The following FOXO3 variants were observed in gnomAD, a reference collection of about 807,000 sequenced individuals.
FOXO3 encodes the protein forkhead box O3.
Under a neutral mutation model 41.9 loss-of-function variants are expected in FOXO3, and 4 were observed. The observed-to-expected ratio is 0.10, with a 90% CI of 0.05 to 0.22. The LOEUF (loss-of-function observed/expected upper bound fraction) is 0.22, where lower values mean the gene tolerates loss of function less well. FOXO3 is among the 10% of genes least tolerant of loss of function. FOXO3 has a pLI of 1.00. For synonymous variants in FOXO3, 318 were observed against 389.3 expected, an observed-to-expected ratio of 0.82 and a Z score of 2.16; for missense variants, 534 against 906.8, an observed-to-expected ratio of 0.59 and a Z score of 5.28.
chr6:108,618,577 G>A (rs953577423), intron 1 of FOXO3, among the ~76,000 whole-genome samples: 1 of 152,232 alleles, frequency 6.6e-6, no homozygotes, highest in African/African-American at 2.4e-5. Context: ...GATGTAGCCC[G>A]AGTACTTATC....
chr6:108,574,949 A>G (rs1333965361), intron 1 of FOXO3, among the ~76,000 whole-genome samples: 2 of 152,212 alleles, frequency 1.3e-5, no homozygotes, highest in Non-Finnish European at 2.9e-5. Flanking sequence ...AGGCAGCAGG[A>G]TGCTACCTGA....
chr6:108,606,423 C>T (rs1200917393), intron 1 of FOXO3, among the ~76,000 whole-genome samples: 2 of 152,202 alleles, frequency 1.3e-5, no homozygotes, highest in Non-Finnish European at 2.9e-5. Context: ...TGATATTCCT[C>T]CCCTTCCCCC....
chr6:108,631,123 C>T (rs1353107789), intron 1 of FOXO3, among the ~76,000 whole-genome samples: 3 of 152,128 alleles, frequency 2.0e-5, no homozygotes, highest in Non-Finnish European at 2.9e-5. Context: ...CAGTGTTTTC[C>T]AAATCAACTG....
intron 1 of FOXO3, among the ~76,000 whole-genome samples, chr6:108,659,587 G>T (rs957793596): frequency 2.6e-5 from 4 of 151,322 alleles, no homozygotes; most frequent in Non-Finnish European, 4.4e-5. Context: ...TAGAGACGAT[G>T]AATCTAAAAC....
At chr6:108,570,337 A>C (rs1482583383) in intron 1 of FOXO3, among the ~76,000 whole-genome samples, 1 of 151,674 alleles carries the variant, frequency 6.6e-6, no homozygotes, top group Non-Finnish European at 1.5e-5. Context: ...TATTTGAGAC[A>C]AGGCCTTGCT....
In FOXO3 at chr6:108,561,082, C is replaced by T; in HGVS notation, c.-127C>T. On this transcript the variant is annotated 5_prime_UTR_variant, in exon 1 of 3. Coordinates refer to ENST00000406360, the MANE Select transcript of FOXO3 (RefSeq NM_001455.4). Reference sequence around the variant, plus strand: ...TCCTTCTCTCTTCTTTGGTGCTTCCCCAGGCGGCGGCGGCGGCGCCCGGGA... The same window carrying T: ...TCCTTCTCTCTTCTTTGGTGCTTCCTCAGGCGGCGGCGGCGGCGCCCGGGA... 7.0e-7 allele frequency: 1 copy of T among 1,430,140 alleles called. No homozygotes were observed. Among genetic ancestry groups the T allele is most frequent in the Admixed American group, 3.1e-5 (1 of 32,168 alleles). The allele number at this position is 1,430,140 out of a possible 1,614,324, so 88.6% of individuals were successfully genotyped here.
rs753424759 is a variant in FOXO3, at chr6:108,561,509, C to T, written c.301C>T (p.Leu101=). ...GLLLEDSARV[L]APGGQDPGSG... is the part of the protein sequence containing the mutation. The stretch of plus-strand genomic sequence containing the variant: ...GCTCCTTGAGGACTCGGCCCGGGTG[C>T]TGGCACCCGGAGGGCAAGACCCCGG... Residue 101 remains leucine (L), a synonymous_variant, in exon 1 of 3, where the codon CTG becomes TTG. Transcript: ENST00000406360. 43 of 1,450,986 alleles carry T rather than the reference C, an allele frequency of 3.0e-5. No homozygotes were observed. The South Asian group carries it at 5.7e-4, about 19-fold the overall frequency. 89.9% of individuals were successfully genotyped at this position (1,450,986 alleles called of 1,614,324 possible).
chr6:108,600,188 A>G (rs1234931198), intron 1 of FOXO3, among the ~76,000 whole-genome samples: 1 of 152,162 alleles, frequency 6.6e-6, no homozygotes, highest in Non-Finnish European at 1.5e-5. Flanking sequence ...TGTGAGGACT[A>G]GCTTCACACA....
chr6:108,666,498 G>C (rs1033958064), intron 2 of FOXO3, among the ~76,000 whole-genome samples: 2 of 151,380 alleles, frequency 1.3e-5, no homozygotes, highest in African/African-American at 4.9e-5. Flanking sequence ...ACCACGCCTG[G>C]CTAATTTTTT....
At chr6:108,612,496 A>G (rs1777390561) in intron 1 of FOXO3, among the ~76,000 whole-genome samples, 1 of 152,052 alleles carries the variant, frequency 6.6e-6, no homozygotes, top group Non-Finnish European at 1.5e-5. Flanking sequence ...CCTGGCCAAG[A>G]TGGTGAAACC....
At chr6:108,612,087 A>C (rs1777380584) in intron 1 of FOXO3, among the ~76,000 whole-genome samples, 1 of 152,104 alleles carries the variant, frequency 6.6e-6, no homozygotes, top group Non-Finnish European at 1.5e-5. Context: ...GTTCTTTTTC[A>C]AAATCATTTG....
In FOXO3 at chr6:108,649,143, A is replaced by C. The variant is rs143228754; in HGVS notation, c.622-14312A>C. On this transcript the variant is annotated intron_variant, in intron 1 of 2. Coordinates refer to ENST00000406360, the MANE Select transcript of FOXO3 (RefSeq NM_001455.4). The stretch of plus-strand genomic sequence containing the variant: ...CAGCAGCCAGCATGAGCAGTAGTCT[A>C]TTTTGCATTGGTTCTTCCTTGCCCC... Among the ~76,000 whole-genome samples the C allele has an allele frequency of 7.2e-4, 109 of 151,824 alleles. No individual in the cohort carries two copies. In the Middle Eastern group the frequency reaches 0.014, roughly 19 times the overall value.
At chr6:108,587,383 AG>A (rs1270569902) in intron 1 of FOXO3, among the ~76,000 whole-genome samples, 2 of 152,190 alleles carry the variant, frequency 1.3e-5, no homozygotes, top group African/African-American at 4.8e-5. Flanking sequence ...AAATTGCTCA[AG>A]GGAGTAAGGT....
intron 1 of FOXO3, among the ~76,000 whole-genome samples, chr6:108,605,240 T>C (rs1299109898): frequency 6.6e-6 from 1 of 152,104 alleles, no homozygotes; most frequent in Non-Finnish European, 1.5e-5. Flanking sequence ...TGCCTCAGCC[T>C]CCCGAGTAAC....
rs181494036 is a variant in FOXO3 at position 108,602,625 on chromosome 6, T to C, written c.621+40796T>C. Reference sequence around the variant, plus strand: ...ATATTTATCCAGAAGGAGGCAAGTGTGCTGTCATAAGCAATAGCATTAAAA... The same window carrying C: ...ATATTTATCCAGAAGGAGGCAAGTGCGCTGTCATAAGCAATAGCATTAAAA... On this transcript the variant is annotated intron_variant, in intron 1 of 2. Transcript: ENST00000406360. Among the ~76,000 whole-genome samples the C allele has an allele frequency of 1.1e-3, 170 of 152,014 alleles. 1 individual carries two copies. The highest frequency in any genetic ancestry group is 3.8e-3 in the African/African-American group (158 of 41,418).
chr6:108,561,213 C>A lies in FOXO3; in HGVS notation c.5C>A (p.Ala2Glu), dbSNP rs1775773594. ...GCGGGCGGGCGGGCGGCGAAGATGGCAGAGGCACCGGCTTCCCCGGCCCCG... is the reference window on the plus strand; with the variant it reads ...GCGGGCGGGCGGGCGGCGAAGATGGAAGAGGCACCGGCTTCCCCGGCCCCG... MAEAPASPAPLS... is the reference protein window; with the variant it reads MEEAPASPAPLS... The change falls in exon 1 of 3, where the codon GCA becomes GAA. Residue 2 changes from alanine (A) to glutamate (E), a missense_variant. By Grantham distance (107) the Ala-to-Glu change is moderately radical (BLOSUM62 -1). Around this residue, in one of 8 missense-constraint regions of FOXO3, gnomAD observed 19 missense variants for 26.2 expected, o/e 0.73. Transcript: ENST00000406360. The A allele has an allele frequency of 6.5e-7, 1 of 1,539,972 alleles. No individual in the cohort carries two copies. The highest frequency in any genetic ancestry group is 1.2e-5 in the South Asian group (1 of 83,396).
At chr6:108,597,894 G>A (rs1355084553) in intron 1 of FOXO3, among the ~76,000 whole-genome samples, 2 of 152,126 alleles carry the variant, frequency 1.3e-5, no homozygotes, top group Non-Finnish European at 2.9e-5. Context: ...AGTACTAAAA[G>A]GTACTAAAAT....
At chr6:108,633,180 T>C (rs946904543) in intron 1 of FOXO3, among the ~76,000 whole-genome samples, 2 of 152,114 alleles carry the variant, frequency 1.3e-5, no homozygotes, top group Admixed American at 6.6e-5. Flanking sequence ...ATTGGATAAA[T>C]AAAATGAGAT....
intron 1 of FOXO3, among the ~76,000 whole-genome samples, chr6:108,640,194 T>G (rs985244374): frequency 5.9e-5 from 9 of 152,116 alleles, no homozygotes; most frequent in African/African-American, 2.2e-4. Context: ...CCAGAGAAAT[T>G]CCTTTCATTG....
Sources: allele counts gnomAD v4.1 joint callset (sites outside exome capture counted in the v4.1 genomes callset), GRCh38; gene constraint gnomAD v4.1.1; regional missense constraint gnomAD v4.1.1; transcripts MANE v1.5; gene names NCBI Gene and HGNC (gene_info 2026-07-23, HGNC 2026-07-21).